Variants in KCNH1 observed in about 807,000 individuals in gnomAD.
KCNH1 encodes potassium voltage-gated channel subfamily H member 1.
A neutral mutation model predicts 69.2 loss-of-function variants in KCNH1; 27 were observed. The ratio of observed to expected loss-of-function variants is 0.39; its 90% CI spans 0.29 to 0.54. KCNH1 has a LOEUF of 0.54. KCNH1 is among the 20% of genes least tolerant of loss of function. KCNH1 has a pLI of 0.68. For missense variants in KCNH1, 798 were observed against 1,261.6 expected (o/e 0.63, Z 5.57); for synonymous variants, 456 against 487.7 (o/e 0.93, Z 0.86).
At chr1:210,992,006 C>A (rs1688947447) in intron 6 of KCNH1, among the ~76,000 whole-genome samples, 1 of 152,158 alleles carries the variant, frequency 6.6e-6, no homozygotes, top group African/African-American at 2.4e-5. Context: ...TTCCCAAAAG[C>A]AATACTTCCC....
intron 7 of KCNH1, among the ~76,000 whole-genome samples, chr1:210,822,489 T>C (rs1175713608): frequency 6.6e-6 from 1 of 152,206 alleles, no homozygotes; most frequent in Non-Finnish European, 1.5e-5. Flanking sequence ...TTCCACCATT[T>C]AACTCTTATT....
chr1:210,894,093 G>A (rs553279430), intron 7 of KCNH1, among the ~76,000 whole-genome samples: 19 of 152,238 alleles, frequency 1.2e-4, no homozygotes, highest in African/African-American at 4.6e-4. Context: ...ATCATGTACT[G>A]TATTTTCTTC....
intron 6 of KCNH1, among the ~76,000 whole-genome samples, chr1:210,936,158 A>G (rs991957431): frequency 3.4e-4 from 52 of 152,248 alleles, no homozygotes; most frequent in African/African-American, 1.2e-3. Context: ...AATCGCATCC[A>G]TAGCAAATTC....
chr1:210,844,998 G>A lies in KCNH1; in HGVS notation c.1463-40832C>T, dbSNP rs539793259. ...TCTAGAAGAAATGGATAAATTCCTC[G>A]ACACATACATCCTCCCAAGACTAAA... On this transcript the variant is annotated intron_variant, in intron 7 of 10. Transcript: ENST00000271751. 5.4e-3 allele frequency among the ~76,000 whole-genome samples: 825 copies of A among 152,176 alleles called. 6 individuals are homozygous for A. The highest frequency in any genetic ancestry group is 0.017 in the African/African-American group (713 of 41,512).
intron 9 of KCNH1, among the ~76,000 whole-genome samples, chr1:210,781,222 T>C (rs1026620434): frequency 3.3e-5 from 5 of 152,182 alleles, no homozygotes; most frequent in Admixed American, 6.5e-5. Flanking sequence ...TTCCACACTC[T>C]GTACACTGAG....
intron 7 of KCNH1, among the ~76,000 whole-genome samples, chr1:210,912,276 C>T (rs1687248637): frequency 6.6e-6 from 1 of 152,180 alleles, no homozygotes. Flanking sequence ...GTACCATGTC[C>T]TGTCCCGTGA....
At chr1:211,088,004 C>T (rs1690988168) in intron 4 of KCNH1, among the ~76,000 whole-genome samples, 1 of 152,110 alleles carries the variant, frequency 6.6e-6, no homozygotes, top group Non-Finnish European at 1.5e-5. Flanking sequence ...AAACTGGGGG[C>T]ACAAACTGGC....
At chr1:210,977,367 A>T (rs1688633400) in intron 6 of KCNH1, among the ~76,000 whole-genome samples, 1 of 152,114 alleles carries the variant, frequency 6.6e-6, no homozygotes. Flanking sequence ...TGGGTGCAGC[A>T]CACCAACATG....
intron 7 of KCNH1, among the ~76,000 whole-genome samples, chr1:210,894,746 C>A (rs895909431): frequency 6.6e-6 from 1 of 152,164 alleles, no homozygotes; most frequent in Non-Finnish European, 1.5e-5. Flanking sequence ...CCATGTAATG[C>A]CCTCTGCCAT....
chr1:210,686,484 A>T (rs1168769326), intron 10 of KCNH1, among the ~76,000 whole-genome samples: 1 of 152,144 alleles, frequency 6.6e-6, no homozygotes, highest in Non-Finnish European at 1.5e-5. Flanking sequence ...ATCTATTTGT[A>T]GTAGGGAGGC....
At chr1:211,080,786 C>G (rs1249017035) in intron 5 of KCNH1, among the ~76,000 whole-genome samples, 2 of 152,114 alleles carry the variant, frequency 1.3e-5, no homozygotes. Flanking sequence ...GAAACTGAAC[C>G]CCTTCCTTAC....
intron 5 of KCNH1, among the ~76,000 whole-genome samples, chr1:211,045,660 T>C (rs1174855382): frequency 1.3e-5 from 2 of 152,152 alleles, no homozygotes; most frequent in Admixed American, 1.3e-4. Flanking sequence ...CAGAAGAAGT[T>C]TCCTCCTGTC....
intron 5 of KCNH1, among the ~76,000 whole-genome samples, chr1:211,045,041 G>GATATATAGATATATATATATATAGAT (rs1164564038): frequency 3.7e-5 from 3 of 81,716 alleles, no homozygotes; most frequent in African/African-American, 8.5e-5. Flanking sequence ...AATTGTGGGG[G>GATATATAGATATATATATATATAGAT]ATATATATAT....
chr1:211,064,105 T>C (rs938893711), intron 5 of KCNH1, among the ~76,000 whole-genome samples: 20 of 152,232 alleles, frequency 1.3e-4, no homozygotes, highest in Admixed American at 5.9e-4. Context: ...TTATCTGTAA[T>C]TACCAAAGAC....
At chr1:210,990,114 T>C (rs1571557098) in intron 6 of KCNH1, among the ~76,000 whole-genome samples, 1 of 152,238 alleles carries the variant, frequency 6.6e-6, no homozygotes, top group Non-Finnish European at 1.5e-5. Flanking sequence ...ACATTCAATT[T>C]AGCTAATGCA....
At position 211,024,372 on chromosome 1, in the gene KCNH1, G is replaced by A. The variant is rs561717359; in HGVS notation, c.559-5116C>T. Among the ~76,000 whole-genome samples, 113 of 152,264 alleles carry A rather than the reference G, an allele frequency of 7.4e-4. 1 individual carries two copies. The highest frequency in any genetic ancestry group is 8.1e-4 in the Non-Finnish European group (55 of 68,022). Reference sequence around the variant, plus strand: ...GGAAAAATTATCCTAGGCAGAGGGCGTAACTGGCATAATAAGCCTAGGGTG... The same window carrying A: ...GGAAAAATTATCCTAGGCAGAGGGCATAACTGGCATAATAAGCCTAGGGTG... On this transcript the variant is annotated intron_variant, in intron 5 of 10. Transcript: ENST00000271751.
intron 5 of KCNH1, among the ~76,000 whole-genome samples, chr1:211,021,290 C>G (rs556775221): frequency 2.4e-4 from 37 of 152,036 alleles, no homozygotes; most frequent in African/African-American, 8.9e-4. Flanking sequence ...CCCACCTGTT[C>G]CTCAATAACC....
chr1:210,938,666 T>C (rs1687824177), intron 6 of KCNH1, among the ~76,000 whole-genome samples: 1 of 152,244 alleles, frequency 6.6e-6, no homozygotes, highest in Non-Finnish European at 1.5e-5. Context: ...ACTCATGCTA[T>C]TTCTTCTATC....
chr1:211,125,916 G>A (rs1254675534), intron 1 of KCNH1, among the ~76,000 whole-genome samples: 1 of 152,212 alleles, frequency 6.6e-6, no homozygotes, highest in Non-Finnish European at 1.5e-5. Context: ...CAATCAGTAT[G>A]AGTAAGCAAA....
Sources: allele counts gnomAD v4.1 joint callset (sites outside exome capture counted in the v4.1 genomes callset), GRCh38; gene constraint gnomAD v4.1.1; transcripts MANE v1.5; gene names NCBI Gene and HGNC (gene_info 2026-07-23, HGNC 2026-07-21).